Variants in XRCC4 observed in about 807,000 individuals in gnomAD.
The protein encoded by XRCC4 is X-ray repair cross complementing 4.
XRCC4 carries 28 observed loss-of-function variants against 39.1 expected under a neutral mutation model. The observed-to-expected ratio is 0.72, with a 90% CI of 0.53 to 0.98. XRCC4 has a LOEUF of 0.98. XRCC4 is among the 50% of genes least tolerant of loss of function. The probability of loss-of-function intolerance (pLI) is 0.00; values close to 1 mark genes in which losing one functional copy is unlikely to be tolerated. For synonymous variants in XRCC4, 123 were observed against 126.4 expected (o/e 0.97, Z 0.18); for missense variants, 350 against 376.4 (o/e 0.93, Z 0.58).
intron 6 of XRCC4, among the ~76,000 whole-genome samples, chr5:83,217,158 A>G (rs1462281150): frequency 6.6e-6 from 1 of 152,070 alleles, no homozygotes; most frequent in Non-Finnish European, 1.5e-5. Context: ...GTTCAAGACC[A>G]GCCTGGCCAA....
At chr5:83,221,884 T>C (rs1046953611) in intron 6 of XRCC4, among the ~76,000 whole-genome samples, 41 of 151,882 alleles carry the variant, frequency 2.7e-4, no homozygotes, top group South Asian at 2.1e-4. Flanking sequence ...AGAATTGTTA[T>C]AGCTTATTGG....
chr5:83,123,906 A>T (rs61286961), intron 3 of XRCC4, among the ~76,000 whole-genome samples: 10 of 152,208 alleles, frequency 6.6e-5, no homozygotes, highest in African/African-American at 2.4e-4. Flanking sequence ...TACTTTTAAC[A>T]GTTAACTTAC....
chr5:83,142,185 G>A (rs116506390), intron 3 of XRCC4, among the ~76,000 whole-genome samples: 3 of 152,264 alleles, frequency 2.0e-5, no homozygotes, highest in African/African-American at 7.2e-5. Context: ...AATAATGAAA[G>A]TTACTAATAA....
chr5:83,195,179 T>C (rs1269460575), intron 3 of XRCC4, among the ~76,000 whole-genome samples: 9 of 152,138 alleles, frequency 5.9e-5, no homozygotes, highest in African/African-American at 2.2e-4. Context: ...GGAATTAAGG[T>C]ATTTTTAAGA....
chr5:83,258,451 A>G (rs1340429967), intron 6 of XRCC4, 79 bp from the exon 7 acceptor site: 22 of 1,509,516 alleles, frequency 1.5e-5, no homozygotes, highest in Admixed American at 8.7e-5. Context: ...CCTTATGTCA[A>G]TGCTAAAACA....
chr5:83,145,022 A>T (rs1007735195), intron 3 of XRCC4, among the ~76,000 whole-genome samples: 1 of 151,946 alleles, frequency 6.6e-6, no homozygotes, highest in Non-Finnish European at 1.5e-5. Context: ...CAGCCTCCCG[A>T]GTAGCTGGGA....
intron 7 of XRCC4, among the ~76,000 whole-genome samples, chr5:83,352,756 T>A (rs1216419224): frequency 2.0e-5 from 3 of 152,202 alleles, no homozygotes; most frequent in Admixed American, 2.0e-4. Context: ...ATCAGTAGAA[T>A]TTAAGAAAGC....
chr5:83,090,636 TACTAATC>T (rs1415765236), intron 1 of XRCC4, among the ~76,000 whole-genome samples: 3 of 152,104 alleles, frequency 2.0e-5, no homozygotes, highest in Non-Finnish European at 2.9e-5. Flanking sequence ...AATCCCAGCC[TACTAATC>T]ACTTGGTGTT....
the XRCC4 span, among the ~76,000 whole-genome samples, chr5:83,362,923 T>C: frequency 2.6e-5 from 4 of 152,248 alleles, no homozygotes; most frequent in Admixed American, 1.3e-4. Context: ...TATGTATGTG[T>C]GTTCACCCAT....
At chr5:83,146,655 C>T (rs1748469294) in intron 3 of XRCC4, among the ~76,000 whole-genome samples, 1 of 152,132 alleles carries the variant, frequency 6.6e-6, no homozygotes, top group African/African-American at 2.4e-5. Context: ...AGCATAGTGC[C>T]TGGCAAATAG....
chr5:83,302,141 G>T (rs1188411112), intron 7 of XRCC4, among the ~76,000 whole-genome samples: 1 of 152,110 alleles, frequency 6.6e-6, no homozygotes, highest in African/African-American at 2.4e-5. Context: ...CTAGCTTGCT[G>T]GGTTCCGTGC....
At chr5:83,280,750 C>A (rs1746401970) in intron 7 of XRCC4, 1 of 178,776 alleles carries the variant, frequency 5.6e-6, no homozygotes, top group African/African-American at 2.4e-5. Context: ...AATATCACCT[C>A]ATTGGGGATT....
At chr5:83,196,950 C>A (rs1257723610) in intron 4 of XRCC4, among the ~76,000 whole-genome samples, 1 of 151,568 alleles carries the variant, frequency 6.6e-6, no homozygotes, top group Non-Finnish European at 1.5e-5. Flanking sequence ...ATGAGGCTGA[C>A]TAAAAGATTA....
intron 6 of XRCC4, among the ~76,000 whole-genome samples, chr5:83,219,788 C>T (rs985263769): frequency 3.9e-5 from 6 of 152,086 alleles, no homozygotes; most frequent in African/African-American, 9.7e-5. Flanking sequence ...TTATATTATA[C>T]GTTGAAATTG....
At chr5:83,287,195 G>A (rs1451302266) in intron 7 of XRCC4, among the ~76,000 whole-genome samples, 1 of 152,008 alleles carries the variant, frequency 6.6e-6, no homozygotes, top group Non-Finnish European at 1.5e-5. Flanking sequence ...AAAAAGAAGG[G>A]CATGAATTTT....
rs144982203 is a variant in XRCC4 at position 83,155,426 on chromosome 5, C to T, written c.316-40344C>T. Among the ~76,000 whole-genome samples, 495 of 152,182 alleles carry T rather than the reference C, an allele frequency of 3.3e-3. 2 individuals are homozygous for T. Among genetic ancestry groups the T allele is most frequent in the African/African-American group, 0.011 (470 of 41,504 alleles). ...GTCAACTGCATATAGTATTTACTAGCGTAAAAGGTATGTGCAGGCATTGAT... is the reference window on the plus strand; with the variant it reads ...GTCAACTGCATATAGTATTTACTAGTGTAAAAGGTATGTGCAGGCATTGAT... On this transcript the variant is annotated intron_variant, in intron 3 of 7. Coordinates refer to ENST00000396027, the MANE Select transcript of XRCC4 (RefSeq NM_003401.5).
intron 1 of XRCC4, among the ~76,000 whole-genome samples, chr5:83,103,115 A>G (rs553047672): frequency 9.9e-5 from 15 of 150,958 alleles, no homozygotes; most frequent in African/African-American, 3.2e-4. Flanking sequence ...CTGTGCCACC[A>G]TGAAAAAAGC....
At chr5:83,345,187 G>A (rs1291570898) in intron 7 of XRCC4, among the ~76,000 whole-genome samples, 2 of 152,040 alleles carry the variant, frequency 1.3e-5, no homozygotes, top group Non-Finnish European at 2.9e-5. Context: ...TCTCTTTAAG[G>A]TATCTGTTGA....
chr5:83,136,744 T>A (rs1014279194), intron 3 of XRCC4, among the ~76,000 whole-genome samples: 3 of 152,210 alleles, frequency 2.0e-5, no homozygotes, highest in African/African-American at 7.2e-5. Flanking sequence ...AGACCTGCAG[T>A]ACTCTTCATT....
Sources: allele counts gnomAD v4.1 joint callset (sites outside exome capture counted in the v4.1 genomes callset), GRCh38; gene constraint gnomAD v4.1.1; transcripts MANE v1.5; gene names NCBI Gene and HGNC (gene_info 2026-07-23, HGNC 2026-07-21).